RBPJ: variants seen among roughly 807,000 people sequenced by gnomAD.
RBPJ encodes the protein recombining binding protein suppressor of hairless.
In RBPJ, 9 loss-of-function variants were observed where a neutral mutation model predicts 67.8. The ratio of observed to expected loss-of-function variants is 0.13; its 90% CI spans 0.08 to 0.23. The LOEUF (loss-of-function observed/expected upper bound fraction) is 0.23, where lower values mean the gene tolerates loss of function less well. Among genes scored for constraint, RBPJ ranks in the 10% least tolerant of loss-of-function variants. The pLI is 1.00. For missense variants in RBPJ, 305 were observed against 595.6 expected (o/e 0.51, Z 5.08); for synonymous variants, 198 against 203.3 (o/e 0.97, Z 0.22).
At position 26,420,682 on chromosome 4, in the gene RBPJ, C is replaced by T; in HGVS notation, c.453C>T (p.Ile151=). 6.2e-7 allele frequency: 1 copy of T among 1,613,318 alleles called. No homozygotes were observed. The highest frequency in any genetic ancestry group is 8.5e-7 in the Non-Finnish European group (1 of 1,179,742). ...TCCTCAGCAAGCGGATAAAAGTCAT[C>T]TCCAAACCTTCCAAAAAGAAGCAGT... ...GVFLSKRIKV[I]SKPSKKKQSL... is the part of the protein sequence containing the mutation. Residue 151 remains isoleucine (I), a synonymous_variant, in exon 5 of 11, where the codon ATC becomes ATT. Coordinates refer to ENST00000355476, the MANE Select transcript of RBPJ (RefSeq NM_015874.6).
chr4:26,169,144 G>A (rs1315382330), intron 1 of RBPJ, among the ~76,000 whole-genome samples: 2 of 152,158 alleles, frequency 1.3e-5, no homozygotes, highest in Non-Finnish European at 2.9e-5. Context: ...AAGGAGAGGT[G>A]CTCTGCTTTT....
At chr4:26,409,571 C>A (rs975294864) in intron 3 of RBPJ, among the ~76,000 whole-genome samples, 29 of 152,170 alleles carry the variant, frequency 1.9e-4, no homozygotes, top group African/African-American at 6.5e-4. Flanking sequence ...GCAATCTTGG[C>A]TTACTGCAAC....
upstream of RBPJ, among the ~76,000 whole-genome samples, chr4:26,316,376 CATAT>C (rs571044201): frequency 1.0e-4 from 15 of 143,572 alleles, no homozygotes; most frequent in Admixed American, 2.1e-4. Flanking sequence ...TATATACATT[CATAT>C]ATATACATTC....
At chr4:26,426,852 T>TC (rs1735722365) in intron 7 of RBPJ, among the ~76,000 whole-genome samples, 1 of 151,654 alleles carries the variant, frequency 6.6e-6, no homozygotes, top group South Asian at 2.1e-4. Flanking sequence ...GGAGGAGAGG[T>TC]CAAGTGGCAG....
intron 1 of RBPJ, among the ~76,000 whole-genome samples, chr4:26,263,438 A>G (rs908456564): frequency 3.3e-5 from 5 of 152,168 alleles, no homozygotes; most frequent in Admixed American, 6.5e-5. Flanking sequence ...GCAAAGAAGC[A>G]AACAACAGAT....
chr4:26,381,009 G>T (rs916099049), intron 1 of RBPJ, among the ~76,000 whole-genome samples: 1 of 146,414 alleles, frequency 6.8e-6, no homozygotes, highest in Non-Finnish European at 1.5e-5. Context: ...AGATAGATTA[G>T]ATTTTTGCTT....
In RBPJ at chr4:26,434,821, T is replaced by C. The variant is rs1348370552; in HGVS notation, c.*3814T>C. ...TGAGCAAGTTTATACCATAATTTTG[T>C]AGAAAAAAAGAATCTGCTCAGTTCC... On this transcript the variant is annotated 3_prime_UTR_variant, in exon 11 of 11. Transcript: ENST00000355476. 1.3e-5 allele frequency: 2 copies of C among 152,182 alleles called. No homozygotes were observed. The highest frequency in any genetic ancestry group is 6.5e-5 in the Admixed American group (1 of 15,286). The allele number at this position is 152,182 out of a possible 1,614,324, so 9.4% of individuals were successfully genotyped here.
In RBPJ at chr4:26,424,863, G is replaced by T; in HGVS notation, c.747+120G>T. The T allele has an allele frequency of 1.6e-6, 1 of 633,928 alleles. No homozygotes were observed. Among genetic ancestry groups the T allele is most frequent in the Non-Finnish European group, 2.8e-6 (1 of 359,546 alleles). The allele number at this position is 633,928 out of a possible 1,614,324, so 39.3% of individuals were successfully genotyped here. The stretch of plus-strand genomic sequence containing the variant: ...GTTTTATGCTTTTTAATTTTAAAAG[G>T]TATGTTAGTAATCAGTGCTGTTTAT... On this transcript the variant is annotated intron_variant, in intron 7 of 10. Coordinates refer to ENST00000355476, the MANE Select transcript of RBPJ (RefSeq NM_015874.6). This position sits in a 1 kb window ranked among gnomAD's most constrained non-coding sequence, Gnocchi z 5.3.
chr4:26,189,182 A>G (rs1441279118), intron 1 of RBPJ, among the ~76,000 whole-genome samples: 1 of 152,064 alleles, frequency 6.6e-6, no homozygotes, highest in Non-Finnish European at 1.5e-5. Flanking sequence ...ATGCTACTGT[A>G]CTCCTGCCTG....
At chr4:26,357,883 T>C (rs981181827) in intron 1 of RBPJ, among the ~76,000 whole-genome samples, 1 of 152,208 alleles carries the variant, frequency 6.6e-6, no homozygotes, top group African/African-American at 2.4e-5. Context: ...TTCATCCATG[T>C]AGCGTTGTCA....
chr4:26,347,862 C>A (rs1726327549), intron 1 of RBPJ, among the ~76,000 whole-genome samples: 1 of 151,860 alleles, frequency 6.6e-6, no homozygotes, highest in African/African-American at 2.4e-5. Flanking sequence ...CTGAAAGTGG[C>A]ACACATTCAG....
At chr4:26,120,229 T>C in the RBPJ span, among the ~76,000 whole-genome samples, 151,325 of 152,314 alleles carry the variant, frequency 0.99, 75,185 homozygotes, top group Middle Eastern at 1. Context: ...AAATCAATAA[T>C]AAAACTTGTT....
At chr4:26,369,374 C>G (rs1438885820) in intron 1 of RBPJ, among the ~76,000 whole-genome samples, 1 of 152,170 alleles carries the variant, frequency 6.6e-6, no homozygotes, top group Non-Finnish European at 1.5e-5. Context: ...ATTTCCCTTA[C>G]CAAATGATTT....
At chr4:26,275,007 GAGGAAGGGATTAGAAGCCATAA>G (rs1174426563) in intron 1 of RBPJ, among the ~76,000 whole-genome samples, 1 of 152,190 alleles carries the variant, frequency 6.6e-6, no homozygotes, top group Non-Finnish European at 1.5e-5. Context: ...ACCAGGGCTA[GAGGAAGGGATTAGAAGCCATAA>G]AGGAAGATAG....
At chr4:26,155,242 A>G in the RBPJ span, among the ~76,000 whole-genome samples, 2 of 152,074 alleles carry the variant, frequency 1.3e-5, no homozygotes, top group Non-Finnish European at 2.9e-5. Context: ...TTTCCAGCTA[A>G]CTCTTACAGA....
chr4:26,139,771 T>C, the RBPJ span, among the ~76,000 whole-genome samples: 1 of 152,324 alleles, frequency 6.6e-6, no homozygotes, highest in East Asian at 1.9e-4. Context: ...TGAGCGTCTT[T>C]GCCTGTGCTC....
At position 26,261,345 on chromosome 4, in the gene RBPJ, TA is replaced by T. The variant is rs111492279; in HGVS notation, c.-167+97740del. On this transcript the variant is annotated intron_variant, in intron 1 of 4. Transcript: ENST00000512351. ...GGATTCTTTTTTTTAAGGTAGAGGT[TA>T]AAAAAAAAGGCAGAGGAGCATTCTT... is the stretch of plus-strand genomic sequence containing the variant. Among the ~76,000 whole-genome samples, 666 of 149,468 alleles carry T rather than the reference TA, an allele frequency of 4.5e-3. 14 individuals are homozygous for T. Among genetic ancestry groups the T allele is most frequent in the African/African-American group, 0.015 (625 of 40,786 alleles).
chr4:26,388,828 A>G (rs1190067696), intron 2 of RBPJ, among the ~76,000 whole-genome samples: 1 of 152,226 alleles, frequency 6.6e-6, no homozygotes, highest in Non-Finnish European at 1.5e-5. Flanking sequence ...GTGACCTCAT[A>G]TATATGTAGT....
At chr4:26,136,946 G>A in the RBPJ span, among the ~76,000 whole-genome samples, 5 of 152,128 alleles carry the variant, frequency 3.3e-5, no homozygotes, top group Admixed American at 6.5e-5. Context: ...TTTGTACCAC[G>A]TAAACATCTT....
Sources: allele counts gnomAD v4.1 joint callset (sites outside exome capture counted in the v4.1 genomes callset), GRCh38; gene constraint gnomAD v4.1.1; non-coding constraint Gnocchi (gnomAD v3.1); transcripts MANE v1.5; gene names NCBI Gene and HGNC (gene_info 2026-07-23, HGNC 2026-07-21).